Variants in CAPN2 observed in about 807,000 individuals in gnomAD.
The protein encoded by CAPN2 is calpain-2 catalytic subunit.
CAPN2 carries 92 observed loss-of-function variants against 102.3 expected under a neutral mutation model. The ratio of observed to expected loss-of-function variants is 0.90; its 90% CI spans 0.76 to 1.07. The LOEUF (loss-of-function observed/expected upper bound fraction) is 1.07. Among genes scored for constraint, CAPN2 ranks in the 50% least tolerant of loss-of-function variants. CAPN2 has a pLI of 0.00. For synonymous variants in CAPN2, 340 were observed against 355.4 expected (o/e 0.96, Z 0.49); for missense variants, 800 against 909.4 (o/e 0.88, Z 1.55).
intron 3 of CAPN2, 149 bp from the exon 4 acceptor site, chr1:223,745,157 A>G: frequency 1.0e-6 from 1 of 958,238 alleles, no homozygotes; most frequent in Non-Finnish European, 1.6e-6. Context: ...CTTGGCCTGC[A>G]TAGGAGAGTT....
intron 2 of CAPN2, among the ~76,000 whole-genome samples, chr1:223,719,884 A>G (rs1293561692): frequency 1.3e-5 from 2 of 151,576 alleles, no homozygotes; most frequent in African/African-American, 2.4e-5. Context: ...TCAGCCTTTT[A>G]TTTTGGAGGA....
upstream of CAPN2, among the ~76,000 whole-genome samples, chr1:223,710,946 C>T (rs1264866728): frequency 6.6e-6 from 1 of 152,120 alleles, no homozygotes; most frequent in African/African-American, 2.4e-5. Flanking sequence ...CCAACCACCT[C>T]GGGCACATGT....
At chr1:223,713,016 C>A (rs1659781772) in intron 1 of CAPN2, 139 bp downstream of exon 1, 2 of 500,836 alleles carry the variant, frequency 4.0e-6, no homozygotes, top group South Asian at 1.8e-4. Flanking sequence ...CGCAGTCCTG[C>A]GACACCTCCG....
intron 2 of CAPN2, among the ~76,000 whole-genome samples, chr1:223,718,064 G>A (rs1044229592): frequency 6.6e-6 from 1 of 152,346 alleles, no homozygotes; most frequent in Middle Eastern, 3.4e-3. Flanking sequence ...AGTTGCTGAG[G>A]TTACAGAGAT....
At chr1:223,706,077 G>A (rs1571772851) in intron 1 of CAPN2, among the ~76,000 whole-genome samples, 1 of 152,350 alleles carries the variant, frequency 6.6e-6, no homozygotes, top group East Asian at 1.9e-4. Context: ...AGGGGCAGCA[G>A]CTTCGGCTCT....
At chr1:223,745,482 G>C (rs1356946565) in intron 4 of CAPN2, 43 bp downstream of exon 4, 5 of 1,610,078 alleles carry the variant, frequency 3.1e-6, no homozygotes, top group Non-Finnish European at 3.4e-6. Flanking sequence ...TTCCCCCAAT[G>C]CCCTGGATTC....
In CAPN2 at chr1:223,734,577, C is replaced by T. The variant is rs921226980; in HGVS notation, c.308-9523C>T. The stretch of plus-strand genomic sequence containing the variant: ...ACTGCTTCACTCTCCCCCGCAGCTC[C>T]CCTCCCTCCTCACTGACCCCCGGCC... On this transcript the variant is annotated intron_variant, in intron 2 of 20. Coordinates refer to ENST00000295006, the MANE Select transcript of CAPN2 (RefSeq NM_001748.5). Among the ~76,000 whole-genome samples the T allele has an allele frequency of 3.3e-5, 5 of 152,230 alleles. No homozygotes were observed. In the East Asian group the frequency reaches 9.7e-4, roughly 29 times the overall value.
In CAPN2 at chr1:223,768,139, T is replaced by C. The variant is rs1208664192; in HGVS notation, c.1756-1702T>C. The stretch of plus-strand genomic sequence containing the variant: ...CGAAAATTTTCTCCCATTTTGTAGG[T>C]TGCCTGTTCACTCTGATGGTAGTTT... On this transcript the variant is annotated intron_variant, in intron 16 of 20. Transcript: ENST00000295006. Among the ~76,000 whole-genome samples, 4 of 151,582 alleles carry C rather than the reference T, an allele frequency of 2.6e-5. 1 individual carries two copies. Among genetic ancestry groups the C allele is most frequent in the African/African-American group, 7.3e-5 (3 of 41,098 alleles).
chr1:223,717,829 T>C lies in CAPN2; in HGVS notation c.305T>C (p.Leu102Pro), dbSNP rs1659920187. ...CGCACAGACATCTGCCAAGGAGCCC[T>C]GGGTAAGTGATAGATTCAGAGCAAG... ...ATRTDICQGALGDCWLLAAIA... is the reference protein window; with the variant it reads ...ATRTDICQGAPGDCWLLAAIA... The change falls in exon 2 of 21, where the codon CTG (leucine) becomes CCG (proline). Residue 102 changes from leucine (L) to proline (P), a missense_variant and splice_region_variant. Leu to Pro is a moderately conservative substitution (Grantham distance 98). Coordinates refer to ENST00000295006, the MANE Select transcript of CAPN2 (RefSeq NM_001748.5). 6.2e-7 allele frequency: 1 copy of C among 1,613,014 alleles called. No individual in the cohort carries two copies. The highest frequency in any genetic ancestry group is 8.5e-7 in the Non-Finnish European group (1 of 1,178,998).
intron 2 of CAPN2, among the ~76,000 whole-genome samples, chr1:223,720,591 A>G (rs552291888): frequency 6.6e-6 from 1 of 152,260 alleles, no homozygotes; most frequent in East Asian, 1.9e-4. Flanking sequence ...TGCTGGGATT[A>G]CAGGCGTGAG....
chr1:223,738,451 A>G (rs907210208), intron 2 of CAPN2, among the ~76,000 whole-genome samples: 1 of 152,240 alleles, frequency 6.6e-6, no homozygotes, highest in African/African-American at 2.4e-5. Context: ...AATTACAGGC[A>G]TGAGCCACCG....
At chr1:223,720,355 C>G (rs1660021101) in intron 2 of CAPN2, among the ~76,000 whole-genome samples, 1 of 136,478 alleles carries the variant, frequency 7.3e-6, no homozygotes, top group African/African-American at 2.8e-5. Context: ...CACTCTGTTC[C>G]CCAGGGCTGG....
In CAPN2 at chr1:223,702,105, A is replaced by AAGAAAGGAAGGAAG. The variant is rs1553343526; in HGVS notation, c.3+274_3+275insAGAAAGGAAGGAAG. Among the ~76,000 whole-genome samples, 9 of 84,608 alleles carry AAGAAAGGAAGGAAG rather than the reference A, an allele frequency of 1.1e-4. 1 individual carries two copies. The South Asian group carries it at 4.7e-3, about 44-fold the overall frequency. 55.5% of individuals were successfully genotyped at this position (84,608 alleles called of 152,430 possible). On this transcript the variant is annotated intron_variant, in intron 1 of 20. Transcript: ENST00000433674. The stretch of plus-strand genomic sequence containing the variant: ...AGGGAGGGAGGGAGGAAAGAAGGAA[A>AAGAAAGGAAGGAAG]GAAGGAAGGAAGGAAGGAAGGAAGG...
chr1:223,723,255 T>A (rs921770600), intron 2 of CAPN2, among the ~76,000 whole-genome samples: 4 of 152,144 alleles, frequency 2.6e-5, no homozygotes, highest in Non-Finnish European at 5.9e-5. Flanking sequence ...TAGAAGCTGC[T>A]GTGAGCCGTG....
Position 223,752,813 on chromosome 1 carries a change from TC to T in CAPN2, c.994del (p.Leu332Ter). 1 of 1,614,144 alleles carries T rather than the reference TC, an allele frequency of 6.2e-7. No individual in the cohort carries two copies. The stretch of plus-strand genomic sequence containing the variant: ...TTTGCCAGGATGTCTTTCAGTGACT[TC>T]CTGAGGCACTATTCCCGCCTGGAGA... ...DGEFWMSFSD[F>X]LRHYSRLEIC... On this transcript the variant is annotated frameshift_variant, in exon 9 of 21. Transcript: ENST00000295006. LOFTEE classifies it high-confidence loss of function.
Position 223,774,893 on chromosome 1 carries a change from G to A in CAPN2, c.*36G>A, listed in dbSNP as rs1661575485. On this transcript the variant is annotated 3_prime_UTR_variant, in exon 21 of 21. Transcript: ENST00000295006. ...AATCTGCCTGAAGACTTCTCATGAT[G>A]GAAAATCAGCCAAGGACTAAGCTTC... The A allele has an allele frequency of 6.3e-7, 1 of 1,591,948 alleles. No homozygotes were observed. Among genetic ancestry groups the A allele is most frequent in the Non-Finnish European group, 8.6e-7 (1 of 1,161,386 alleles).
At chr1:223,718,501 A>G (rs190403975) in intron 2 of CAPN2, among the ~76,000 whole-genome samples, 2 of 152,254 alleles carry the variant, frequency 1.3e-5, no homozygotes, top group African/African-American at 4.8e-5. Context: ...CACCTTTAGT[A>G]TGAAAATTCC....
intron 2 of CAPN2, among the ~76,000 whole-genome samples, chr1:223,733,266 C>T (rs188540890): frequency 4.2e-4 from 64 of 152,144 alleles, no homozygotes; most frequent in African/African-American, 1.3e-3. Context: ...ACAGCAGTAG[C>T]GGAAGGGAAA....
chr1:223,710,201 G>A (rs1206959249), upstream of CAPN2, among the ~76,000 whole-genome samples: 1 of 152,166 alleles, frequency 6.6e-6, no homozygotes, highest in Admixed American at 6.5e-5. Flanking sequence ...GCTGGAACCC[G>A]GGAGGCAGAA....
Sources: gnomAD v4.1 joint callset for allele counts (sites outside exome capture counted in the v4.1 genomes callset) on GRCh38, gnomAD v4.1.1 for gene constraint, MANE v1.5 for transcripts, NCBI Gene and HGNC (gene_info 2026-07-23, HGNC 2026-07-21) for gene names.